AKAP9: variants seen among roughly 807,000 people sequenced by gnomAD.
The protein encoded by AKAP9 is A-kinase anchoring protein 9.
Under a neutral mutation model 488.5 loss-of-function variants are expected in AKAP9, and 311 were observed. The ratio of observed to expected loss-of-function variants is 0.64; its 90% CI spans 0.58 to 0.70. AKAP9 has a LOEUF of 0.70. Ranked by LOEUF, AKAP9 falls within the 30% of genes least tolerant of loss-of-function variation. The pLI, the probability that AKAP9 is intolerant of heterozygous loss-of-function variation, is 0.00. For synonymous variants in AKAP9, 1,462 were observed against 1,483.5 expected, an observed-to-expected ratio of 0.99 and a Z score of 0.33; for missense variants, 4,215 against 4,374.5, an observed-to-expected ratio of 0.96 and a Z score of 1.03.
chr7:92,102,639 C>G lies in AKAP9; in HGVS notation c.11143C>G (p.Leu3715Val). 6.2e-7 allele frequency: 1 copy of G among 1,614,162 alleles called. No homozygotes were observed. Among genetic ancestry groups the G allele is most frequent in the Non-Finnish European group, 8.5e-7 (1 of 1,180,048 alleles). Residue 3715 changes from leucine to valine, a missense_variant, in exon 46 of 50, where the codon CTC becomes GTC. Around this residue, in one of 5 missense-constraint regions of AKAP9, gnomAD observed 253 missense variants for 266.8 expected, o/e 0.95. Coordinates refer to ENST00000356239, the MANE Select transcript of AKAP9 (RefSeq NM_005751.5). ...YLRAESFRKALIYQKKYLLLL... is the reference protein window; with the variant it reads ...YLRAESFRKAVIYQKKYLLLL... ...GAGGGCAGAAAGTTTTCGAAAGGCT[C>G]TCATTTACCAGAAGAAATACCTGCT...
intron 14 of AKAP9, among the ~76,000 whole-genome samples, chr7:92,025,733 A>C (rs770217280): frequency 2.4e-4 from 37 of 152,216 alleles, no homozygotes; most frequent in Non-Finnish European, 5.1e-4. Context: ...ATTTCTAAAT[A>C]GTAATAGGGA....
At chr7:92,009,692 A>G (rs1262202718) in intron 8 of AKAP9, among the ~76,000 whole-genome samples, 1 of 152,234 alleles carries the variant, frequency 6.6e-6, no homozygotes, top group African/African-American at 2.4e-5. Flanking sequence ...CGAAGACCTG[A>G]TAAGAACACT....
chr7:91,960,209 C>T lies in AKAP9; in HGVS notation c.49-13502C>T, dbSNP rs576379016. Reference sequence around the variant, plus strand: ...TGAATACTGGAGAAACTAGGTAACACATTTAAGTAATATTTTGTACCATTC... The same window carrying T: ...TGAATACTGGAGAAACTAGGTAACATATTTAAGTAATATTTTGTACCATTC... On this transcript the variant is annotated intron_variant, in intron 1 of 49. Coordinates refer to ENST00000356239, the MANE Select transcript of AKAP9 (RefSeq NM_005751.5). 8.5e-5 allele frequency among the ~76,000 whole-genome samples: 13 copies of T among 152,304 alleles called. No individual in the cohort carries two copies. The South Asian group carries it at 2.7e-3, about 32-fold the overall frequency.
chr7:92,033,134 T>G (rs1321582749), intron 16 of AKAP9, among the ~76,000 whole-genome samples: 4 of 152,152 alleles, frequency 2.6e-5, no homozygotes. Context: ...GGTGGTAACA[T>G]GATGATGTTT....
intron 15 of AKAP9, 35 bp from the exon 16 acceptor site, chr7:92,031,477 T>C (rs759676301): frequency 7.1e-7 from 1 of 1,405,326 alleles, no homozygotes; most frequent in South Asian, 1.2e-5. Flanking sequence ...GTATAATTAA[T>C]GTAAATAAAT....
At chr7:91,986,122 ACCTGGTTTAGT>A (rs1797056146) in intron 3 of AKAP9, among the ~76,000 whole-genome samples, 1 of 152,034 alleles carries the variant, frequency 6.6e-6, no homozygotes, top group Admixed American at 6.6e-5. Flanking sequence ...CCGAGATTCT[ACCTGGTTTAGT>A]CTTGGGAGGG....
intron 9 of AKAP9, among the ~76,000 whole-genome samples, chr7:92,012,973 ATTTTTTTTTTTTTTTTT>A (rs749688986): frequency 8.4e-4 from 51 of 60,754 alleles, no homozygotes; most frequent in Middle Eastern, 0.012. Context: ...TGGGGTTGGA[ATTTTTTTTTTTTTTTTT>A]TTTTTTTTTT....
rs950907871 is a variant in AKAP9 at position 92,045,364 on chromosome 7, A to T, written c.5368+151A>T. On this transcript the variant is annotated intron_variant, in intron 21 of 49. Transcript: ENST00000356239. ...AAATACATTAGAGCAACTCTTTTCAAACACCATTATTGTATAGCATTTGCA... is the reference window on the plus strand; with the variant it reads ...AAATACATTAGAGCAACTCTTTTCATACACCATTATTGTATAGCATTTGCA... The T allele has an allele frequency of 4.6e-5, 35 of 766,726 alleles. No individual in the cohort carries two copies. The African/African-American group carries it at 5.7e-4, about 12-fold the overall frequency. The allele number at this position is 766,726 out of a possible 1,614,324, so 47.5% of individuals were successfully genotyped here.
intron 38 of AKAP9, among the ~76,000 whole-genome samples, chr7:92,091,585 CAAAAAAAAAAAACAAAA>C (rs1474807887): frequency 4.5e-5 from 1 of 22,084 alleles, no homozygotes; most frequent in African/African-American, 1.2e-4. Context: ...GACTCTGTCT[CAAAAAAAAAAAACAAAA>C]AAAAAAAACA....
intron 1 of AKAP9, among the ~76,000 whole-genome samples, chr7:91,950,348 G>A (rs4302776): frequency 6.0e-5 from 9 of 151,004 alleles, no homozygotes; most frequent in African/African-American, 2.2e-4. Context: ...TCCTGCCTCA[G>A]CCTCCCCAGC....
chr7:92,101,229 G>A (rs1193595032), intron 45 of AKAP9, among the ~76,000 whole-genome samples, 173 bp downstream of exon 45: 1 of 152,116 alleles, frequency 6.6e-6, no homozygotes, highest in Non-Finnish European at 1.5e-5. Flanking sequence ...GAGGTCAGGA[G>A]ATCAAGACCA....
intron 25 of AKAP9, 21 bp from the exon 26 acceptor site, chr7:92,066,406 A>G: frequency 6.2e-7 from 1 of 1,611,952 alleles, no homozygotes; most frequent in East Asian, 2.2e-5. Flanking sequence ...AGCTACTATC[A>G]TTATTGTCAT....
intron 17 of AKAP9, 128 bp downstream of exon 17, chr7:92,038,900 CGTTGT>C (rs1174808103): frequency 1.4e-6 from 1 of 727,290 alleles, no homozygotes; most frequent in Non-Finnish European, 2.2e-6. Context: ...TTATGACTCA[CGTTGT>C]TTTGTTTTGT....
rs761106770 is a variant in AKAP9, at chr7:92,079,905, A to G, written c.7772A>G (p.Gln2591Arg). 6.2e-7 allele frequency: 1 copy of G among 1,613,830 alleles called. No homozygotes were observed. The highest frequency in any genetic ancestry group is 1.1e-5 in the South Asian group (1 of 91,008). ...AGAACAAATATTCAGAATTTAAATC[A>G]ACTAAGAGAAGATGAGTTGGGGTCA... is the stretch of plus-strand genomic sequence containing the variant. ...PERTNIQNLN[Q>R]LREDELGSDI... Residue 2591 changes from glutamine to arginine, a missense_variant, in exon 31 of 50, where the codon CAA becomes CGA. This residue lies in a region of AKAP9 where 1,476 missense variants were observed against 1,477.4 expected (regional missense o/e 1.00). Coordinates refer to ENST00000356239, the MANE Select transcript of AKAP9 (RefSeq NM_005751.5).
At chr7:92,013,963 T>G (rs1801153742) in intron 9 of AKAP9, among the ~76,000 whole-genome samples, 1 of 152,192 alleles carries the variant, frequency 6.6e-6, no homozygotes. Context: ...GAGATTTTTA[T>G]TTCAGTTTTA....
At chr7:91,957,322 A>G (rs1480932375) in intron 1 of AKAP9, among the ~76,000 whole-genome samples, 1 of 152,196 alleles carries the variant, frequency 6.6e-6, no homozygotes, top group Non-Finnish European at 1.5e-5. Flanking sequence ...TTTTCTGTAC[A>G]TTAACGTCCA....
intron 1 of AKAP9, among the ~76,000 whole-genome samples, chr7:91,959,969 A>T (rs1793530736): frequency 6.6e-6 from 1 of 152,178 alleles, no homozygotes. Flanking sequence ...GGTCTTTGGG[A>T]CAACTGTTAT....
At chr7:91,975,429 C>G (rs1332217137) in intron 2 of AKAP9, among the ~76,000 whole-genome samples, 1 of 152,168 alleles carries the variant, frequency 6.6e-6, no homozygotes, top group East Asian at 1.9e-4. Context: ...ACAAATACAA[C>G]TAAATTTGTA....
intron 1 of AKAP9, among the ~76,000 whole-genome samples, chr7:91,945,838 G>A (rs1275762525): frequency 1.3e-5 from 2 of 152,060 alleles, no homozygotes; most frequent in South Asian, 2.1e-4. Flanking sequence ...TTCATGGCAC[G>A]TAAAGGAAGT....
Sources: allele counts gnomAD v4.1 joint callset (sites outside exome capture counted in the v4.1 genomes callset), GRCh38; gene constraint gnomAD v4.1.1; regional missense constraint gnomAD v4.1.1; transcripts MANE v1.5; gene names NCBI Gene and HGNC (gene_info 2026-07-23, HGNC 2026-07-21).